The following RNF123 variants were observed in gnomAD, a reference collection of about 807,000 sequenced individuals.
RNF123 encodes ring finger protein 123, also known as E3 ubiquitin-protein ligase RNF123.
Under a neutral mutation model 168.5 loss-of-function variants are expected in RNF123, and 86 were observed. The ratio of observed to expected loss-of-function variants is 0.51; its 90% CI spans 0.43 to 0.61. RNF123 has a LOEUF of 0.61. RNF123 is among the 20% of genes least tolerant of loss of function. The pLI is 0.00. For synonymous variants in RNF123, 666 were observed against 689.1 expected (o/e 0.97, Z 0.52); for missense variants, 1,419 against 1,729.7 (o/e 0.82, Z 3.19).
intron 35 of RNF123, chr3:49,716,755 A>G: frequency 2.3e-6 from 1 of 426,264 alleles, no homozygotes; most frequent in Non-Finnish European, 4.3e-6. Context: ...GGGAGGCAGG[A>G]CTCCGGAGGG....
At chr3:49,710,573 C>A (rs377555174) in intron 26 of RNF123, among the ~76,000 whole-genome samples, 48 of 152,334 alleles carry the variant, frequency 3.2e-4, no homozygotes, top group East Asian at 2.3e-3. Flanking sequence ...AGCAACCGCG[C>A]CTGGCCATAT....
chr3:49,713,446 C>G (rs973555415), intron 27 of RNF123, 67 bp from the exon 28 acceptor site: 9 of 1,483,008 alleles, frequency 6.1e-6, no homozygotes, highest in Non-Finnish European at 8.3e-6. Flanking sequence ...GTCCACCCAC[C>G]CTGCTGACAT....
chr3:49,719,356 T>G, intron 35 of RNF123: 1 of 1,613,490 alleles, frequency 6.2e-7, no homozygotes, highest in African/African-American at 1.3e-5. Flanking sequence ...GCAGATACAT[T>G]TGTAGGGGCA....
Position 49,713,946 on chromosome 3 carries a change from T to C in RNF123, c.2874T>C (p.Tyr958=). 6.2e-7 allele frequency: 1 copy of C among 1,613,992 alleles called. No homozygotes were observed. Among genetic ancestry groups the C allele is most frequent in the South Asian group, 1.1e-5 (1 of 91,092 alleles). ...IAMVRNLLAP[Y]EQRPWAQTNW... is the part of the protein sequence containing the mutation. ...TGGTGAGGAACCTCCTGGCGCCCTA[T>C]GAGCAGCGGCCCTGGGCCCAGACCA... The change falls in exon 30 of 39, where the codon TAT becomes TAC. Residue 958 remains tyrosine (Y), a synonymous_variant. Transcript: ENST00000327697.
chr3:49,717,351 G>C (rs2080268503), intron 35 of RNF123: 1 of 159,240 alleles, frequency 6.3e-6, no homozygotes, highest in African/African-American at 2.4e-5. Context: ...AGGAGGTTGG[G>C]TGTTGGTGGA....
rs1553690361 is a variant in RNF123, at chr3:49,718,211, A to AGCGGCGGCAGCGGCAGGC, written c.3500+1735_3500+1752dup. ...TGGAGCGGGCTGGGTGTTTGGGGCC[A>AGCGGCGGCAGCGGCAGGC]GCGGCGGCAGCGGCAGGCACGGCGG... On this transcript the variant is annotated intron_variant, in intron 35 of 38. Coordinates refer to ENST00000327697, the MANE Select transcript of RNF123 (RefSeq NM_022064.5). 17 of 1,610,610 alleles carry AGCGGCGGCAGCGGCAGGC rather than the reference A, an allele frequency of 1.1e-5. No homozygotes were observed. In the East Asian group the frequency reaches 3.3e-4, roughly 32 times the overall value.
Position 49,720,493 on chromosome 3 carries a change from GCAC to G in RNF123, c.3501-16_3501-14del. ...GGCCCCAAGCCTTCTGACTGCCCTTGCACCCTCCCCTACCTAGGAGAGAGCAAG... is the reference window on the plus strand; with the variant it reads ...GGCCCCAAGCCTTCTGACTGCCCTTGCCTCCCCTACCTAGGAGAGAGCAAG... On this transcript the variant is annotated splice_polypyrimidine_tract_variant and intron_variant, in intron 35 of 38. Coordinates refer to ENST00000327697, the MANE Select transcript of RNF123 (RefSeq NM_022064.5). 6 of 1,541,774 alleles carry G rather than the reference GCAC, an allele frequency of 3.9e-6. No individual in the cohort carries two copies. The highest frequency in any genetic ancestry group is 5.3e-6 in the Non-Finnish European group (6 of 1,142,584).
chr3:49,706,844 G>A lies in RNF123; in HGVS notation c.2442G>A (p.Lys814=). 6.2e-7 allele frequency: 1 copy of A among 1,614,192 alleles called. No homozygotes were observed. Among genetic ancestry groups the A allele is most frequent in the Non-Finnish European group, 8.5e-7 (1 of 1,180,020 alleles). The part of the protein sequence containing the change: ...LTKSQKVFSE[K]LDHLSRRLAW... ...AGAGCCAGAAGGTTTTCTCAGAAAA[G>A]CTGGACCACCTGAGCCGCCGTCTTG... is the stretch of plus-strand genomic sequence containing the variant. Residue 814 remains lysine (K), a synonymous_variant, in exon 26 of 39, where the codon AAG becomes AAA. Transcript: ENST00000327697.
At chr3:49,692,101 T>C (rs907609995) in intron 3 of RNF123, among the ~76,000 whole-genome samples, 2 of 152,112 alleles carry the variant, frequency 1.3e-5, no homozygotes, top group African/African-American at 4.8e-5. Context: ...AGAAATTACC[T>C]GGGCATGGTG....
chr3:49,717,961 A>C (rs764988767), intron 35 of RNF123: 2 of 1,612,464 alleles, frequency 1.2e-6, no homozygotes, highest in East Asian at 2.2e-5. Flanking sequence ...CTAGGTTGTC[A>C]TGGGACCCTC....
Position 49,699,168 on chromosome 3 carries a change from G to C in RNF123, c.764+63G>C. ...GCTCTTGGGGAGGCTGGGATGAGGGGCTCCCTACCCCAGGGGTGCCATGGG... is the reference window on the plus strand; with the variant it reads ...GCTCTTGGGGAGGCTGGGATGAGGGCCTCCCTACCCCAGGGGTGCCATGGG... On this transcript the variant is annotated intron_variant, in intron 10 of 38. Transcript: ENST00000327697. This position sits in a 1 kb window ranked among gnomAD's most constrained non-coding sequence, Gnocchi z 4.8. 6.4e-7 allele frequency: 1 copy of C among 1,568,116 alleles called. No individual in the cohort carries two copies.
At chr3:49,690,293 G>A (rs1469597968) in intron 1 of RNF123, among the ~76,000 whole-genome samples, 7 of 152,264 alleles carry the variant, frequency 4.6e-5, no homozygotes, top group Non-Finnish European at 1.0e-4. Context: ...TTAGCCACAT[G>A]TGGTCATTGA....
rs957018398 is a variant in RNF123 at position 49,698,989 on chromosome 3, A to T, written c.648A>T (p.Val216=). The change falls in exon 10 of 39, where the codon GTA becomes GTT. Residue 216 remains valine (V), a synonymous_variant. Coordinates refer to ENST00000327697, the MANE Select transcript of RNF123 (RefSeq NM_022064.5). ...CCACCCTTCTCCCCAGGAACGGTGT[A>T]TCACTGGGCACTGCCTTTGAGAACC... ...DGTLSFCLNG[V]SLGTAFENLS... is the part of the protein sequence containing the mutation. 1.2e-6 allele frequency: 2 copies of T among 1,613,944 alleles called. No homozygotes were observed. Among genetic ancestry groups the T allele is most frequent in the Non-Finnish European group, 8.5e-7 (1 of 1,179,984 alleles).
chr3:49,698,353 C>A, intron 7 of RNF123, 87 bp from the exon 8 acceptor site: 1 of 1,124,430 alleles, frequency 8.9e-7, no homozygotes, highest in Non-Finnish European at 1.3e-6. Flanking sequence ...TTCTGTAGAG[C>A]CATATGCATC....
At chr3:49,713,456 T>C in intron 27 of RNF123, 57 bp from the exon 28 acceptor site, 1 of 1,520,206 alleles carries the variant, frequency 6.6e-7, no homozygotes, top group East Asian at 2.4e-5. Flanking sequence ...CCTGCTGACA[T>C]GCCTGCCTCT....
chr3:49,696,819 G>A (rs2054279066), intron 3 of RNF123, among the ~76,000 whole-genome samples: 1 of 150,058 alleles, frequency 6.7e-6, no homozygotes, highest in South Asian at 2.1e-4. Flanking sequence ...GCTAATTTTT[G>A]TATTTTTAGT....
chr3:49,698,587 C>T, intron 8 of RNF123, 61 bp downstream of exon 8: 1 of 1,585,710 alleles, frequency 6.3e-7, no homozygotes, highest in Non-Finnish European at 8.7e-7. Flanking sequence ...TTATTTGGAG[C>T]CACTGGGCAG....
chr3:49,709,029 G>A (rs767580621), intron 26 of RNF123, among the ~76,000 whole-genome samples: 27 of 152,178 alleles, frequency 1.8e-4, no homozygotes, highest in South Asian at 2.1e-4. Flanking sequence ...GTGCAATGGT[G>A]CGATCTCGGC....
chr3:49,719,188 T>C (rs2080327726), intron 35 of RNF123: 1 of 1,613,400 alleles, frequency 6.2e-7, no homozygotes, highest in Non-Finnish European at 8.5e-7. Context: ...TTCGTTGTGG[T>C]CTAGGTGCAG....
Sources: gnomAD v4.1 joint callset for allele counts (sites outside exome capture counted in the v4.1 genomes callset) on GRCh38, gnomAD v4.1.1 for gene constraint, Gnocchi (gnomAD v3.1) non-coding constraint, MANE v1.5 for transcripts, NCBI Gene and HGNC (gene_info 2026-07-23, HGNC 2026-07-21) for gene names.